Variants in GRK1 observed in about 807,000 individuals in gnomAD.
The protein encoded by GRK1 is G protein-coupled receptor kinase 1, also known as rhodopsin kinase GRK1.
In GRK1, 28 loss-of-function variants were observed where a neutral mutation model predicts 41.7. The observed-to-expected ratio is 0.67, with a 90% CI of 0.50 to 0.92. GRK1 has a LOEUF of 0.92. GRK1 is among the 40% of genes least tolerant of loss of function. GRK1 has a pLI of 0.00. For missense variants in GRK1, 703 were observed against 671.2 expected (o/e 1.05, Z -0.52); for synonymous variants, 327 against 286.7 (o/e 1.14, Z -1.42).
rs927833381 is a variant in GRK1, at chr13:113,671,089, T to C, written c.828-410T>C. On this transcript the variant is annotated intron_variant, in intron 2 of 6. Coordinates refer to ENST00000335678, the MANE Select transcript of GRK1 (RefSeq NM_002929.3). This position sits in a 1 kb window ranked among gnomAD's most constrained non-coding sequence, Gnocchi z 4.1. ...GGAAAACATAAGAGATGATGTTCTATGGGGGAGGAAAGAGGCTGAGAAGAA... is the reference window on the plus strand; with the variant it reads ...GGAAAACATAAGAGATGATGTTCTACGGGGGAGGAAAGAGGCTGAGAAGAA... Among the ~76,000 whole-genome samples, 1 of 152,202 alleles carries C rather than the reference T, an allele frequency of 6.6e-6. No homozygotes were observed. The highest frequency in any genetic ancestry group is 2.4e-5 in the African/African-American group (1 of 41,452).
chr13:113,657,374 G>A, the GRK1 span, among the ~76,000 whole-genome samples: 33 of 152,340 alleles, frequency 2.2e-4, no homozygotes, highest in African/African-American at 6.7e-4. Context: ...GGGTGAGGGC[G>A]TTTCCCGGAA....
chr13:113,648,233 C>T, the GRK1 span, among the ~76,000 whole-genome samples: 3 of 152,268 alleles, frequency 2.0e-5, no homozygotes, highest in African/African-American at 4.8e-5. Context: ...CTTGGTACAG[C>T]GTCTTCCATC....
the GRK1 span, chr13:113,649,180 C>G: frequency 2.0e-6 from 1 of 512,244 alleles, no homozygotes; most frequent in Admixed American, 3.9e-5. This position sits in a 1 kb window ranked among gnomAD's most constrained non-coding sequence, Gnocchi z 4.7. Context: ...AAGAATTCAA[C>G]AAGGAAGAAC....
the GRK1 span, chr13:113,658,102 C>A: frequency 6.2e-7 from 1 of 1,612,804 alleles, no homozygotes; most frequent in Non-Finnish European, 8.5e-7. Context: ...TGGAACTCCT[C>A]CATGCGCTGG....
chr13:113,667,395 C>A lies in GRK1; in HGVS notation c.9C>A (p.Phe3Leu). 1 of 1,571,704 alleles carries A rather than the reference C, an allele frequency of 6.4e-7. No homozygotes were observed. The highest frequency in any genetic ancestry group is 8.6e-7 in the Non-Finnish European group (1 of 1,158,922). Residue 3 changes from phenylalanine to leucine, a missense_variant, in exon 1 of 7, where the codon TTC becomes TTA. Transcript: ENST00000335678. This position sits in a 1 kb window ranked among gnomAD's most constrained non-coding sequence, Gnocchi z 7.5. ...GGGCAGGAAGCTCCGGGATGGATTTCGGGTCTTTGGAGACCGTGGTGGCCA... is the reference window on the plus strand; with the variant it reads ...GGGCAGGAAGCTCCGGGATGGATTTAGGGTCTTTGGAGACCGTGGTGGCCA... MD[F>L]GSLETVVANS...
At chr13:113,669,846 C>T (rs2140718226) in intron 2 of GRK1, 32 bp downstream of exon 2, 2 of 1,611,780 alleles carry the variant, frequency 1.2e-6, no homozygotes, top group Non-Finnish European at 1.7e-6. Context: ...ACGAGGGGGC[C>T]CCGCTGTCCC....
chr13:113,667,455 C>T lies in GRK1; in HGVS notation c.69C>T (p.Asp23=), dbSNP rs772924384. The change falls in exon 1 of 7, where the codon GAC becomes GAT. Residue 23 remains aspartate (D), a synonymous_variant. Coordinates refer to ENST00000335678, the MANE Select transcript of GRK1 (RefSeq NM_002929.3). This position sits in a 1 kb window ranked among gnomAD's most constrained non-coding sequence, Gnocchi z 7.5. ...TCATCGCCGCCCGAGGCAGCTTTGACGGCAGCAGCTCCCAACCCTCCCGGG... is the reference window on the plus strand; with the variant it reads ...TCATCGCCGCCCGAGGCAGCTTTGATGGCAGCAGCTCCCAACCCTCCCGGG... The part of the protein sequence containing the change: ...SAFIAARGSF[D]GSSSQPSRDK... 1.2e-5 allele frequency: 20 copies of T among 1,607,480 alleles called. No individual in the cohort carries two copies. The highest frequency in any genetic ancestry group is 4.0e-5 in the African/African-American group (3 of 74,760).
chr13:113,672,199 G>A (rs2049862047), intron 3 of GRK1, among the ~76,000 whole-genome samples: 1 of 151,946 alleles, frequency 6.6e-6, no homozygotes, highest in Non-Finnish European at 1.5e-5. Flanking sequence ...GGGTGTGTGT[G>A]TGTGTTGTGT....
the GRK1 span, among the ~76,000 whole-genome samples, chr13:113,648,222 G>A: frequency 6.6e-6 from 1 of 152,278 alleles, no homozygotes; most frequent in Non-Finnish European, 1.5e-5. Flanking sequence ...CACTGGAGAT[G>A]CTTGGTACAG....
the GRK1 span, among the ~76,000 whole-genome samples, chr13:113,655,122 G>A: frequency 7.9e-5 from 12 of 152,018 alleles, no homozygotes; most frequent in East Asian, 3.9e-4. Flanking sequence ...CCCTCCCAGC[G>A]CCGCACCACC....
At chr13:113,734,349 G>A (rs182593055) in intron 6 of GRK1, 3 of 152,386 alleles carry the variant, frequency 2.0e-5, no homozygotes, top group African/African-American at 7.2e-5. Flanking sequence ...ACAGGATGAG[G>A]AGGGGACCCC....
chr13:113,728,555 G>A (rs545229755), intron 4 of GRK1, among the ~76,000 whole-genome samples: 1 of 152,248 alleles, frequency 6.6e-6, no homozygotes, highest in African/African-American at 2.4e-5. Context: ...GCTGTGCCTG[G>A]CACTCAGGGC....
chr13:113,672,280 T>C (rs2049862703), intron 3 of GRK1, among the ~76,000 whole-genome samples: 27 of 148,460 alleles, frequency 1.8e-4, no homozygotes, highest in Non-Finnish European at 1.5e-5. Flanking sequence ...GTGTGTGCGG[T>C]GTGTGTAAGT....
At chr13:113,728,098 A>G in intron 4 of GRK1, among the ~76,000 whole-genome samples, 1 of 107,584 alleles carries the variant, frequency 9.3e-6, no homozygotes, top group Non-Finnish European at 1.9e-5. Flanking sequence ...AGGAGTACCC[A>G]TGGCAATGAG....
chr13:113,661,673 C>A, the GRK1 span, among the ~76,000 whole-genome samples: 1 of 152,128 alleles, frequency 6.6e-6, no homozygotes, highest in East Asian at 1.9e-4. Context: ...ACTACAGACC[C>A]TGCAAACATC....
At position 113,736,585 on chromosome 13, in the gene GRK1, G is replaced by A. The variant is rs1388698037; in HGVS notation, c.*1222G>A. On this transcript the variant is annotated 3_prime_UTR_variant, in exon 7 of 7. Transcript: ENST00000335678. ...CCGGCGGTGCTGGCCTGGGTTCCAT[G>A]GCCTCAGCAGCCGGCTCAGAGGGAG... 6.6e-6 allele frequency: 1 copy of A among 152,230 alleles called. No homozygotes were observed. The highest frequency in any genetic ancestry group is 1.5e-5 in the Non-Finnish European group (1 of 68,054). The allele number at this position is 152,230 out of a possible 1,614,324, so 9.4% of individuals were successfully genotyped here. A position where few individuals can be genotyped will look rare whatever the true frequency, so the allele number is the denominator to read the frequency against.
At position 113,669,577 on chromosome 13, in the gene GRK1, CTGCTCCGTGGCTGTGTGCAGT is replaced by C. The variant is rs1433502496; in HGVS notation, c.700-109_700-89del. The C allele has an allele frequency of 3.7e-6, 5 of 1,341,754 alleles. No individual in the cohort carries two copies. The African/African-American group carries it at 7.2e-5, about 19-fold the overall frequency. 83.1% of individuals were successfully genotyped at this position (1,341,754 alleles called of 1,614,324 possible). On this transcript the variant is annotated intron_variant, in intron 1 of 6. Coordinates refer to ENST00000335678, the MANE Select transcript of GRK1 (RefSeq NM_002929.3). ...AGGCGCATTTAAAGCATGTTTGCGA[CTGCTCCGTGGCTGTGTGCAGT>C]GGGCGTGGCCGGGTGCACACGGTCT...
At chr13:113,733,803 CTG>C (rs774641194) in intron 6 of GRK1, among the ~76,000 whole-genome samples, 5,176 of 70,760 alleles carry the variant, frequency 0.073, 183 homozygotes, top group Non-Finnish European at 0.085. Context: ...GTATGTGTAT[CTG>C]TGTGCATACG....
intron 1 of GRK1, among the ~76,000 whole-genome samples, chr13:113,668,849 G>A (rs1482755239): frequency 6.6e-6 from 1 of 152,240 alleles, no homozygotes; most frequent in Non-Finnish European, 1.5e-5. Flanking sequence ...TTAGGGTTAA[G>A]CAGCAGCCAC....
Sources: gnomAD v4.1 joint callset for allele counts (sites outside exome capture counted in the v4.1 genomes callset) on GRCh38, gnomAD v4.1.1 for gene constraint, Gnocchi (gnomAD v3.1) non-coding constraint, MANE v1.5 for transcripts, NCBI Gene and HGNC (gene_info 2026-07-23, HGNC 2026-07-21) for gene names.